The following ZCWPW2 variants were observed in gnomAD, a reference collection of about 807,000 sequenced individuals.
The protein encoded by ZCWPW2 is zinc finger CW-type and PWWP domain containing 2.
Under a neutral mutation model 46.6 loss-of-function variants are expected in ZCWPW2, and 45 were observed. That is an observed-to-expected ratio of 0.96 (90% confidence interval 0.76 to 1.24). The LOEUF (loss-of-function observed/expected upper bound fraction) is 1.24. Among genes scored for constraint, ZCWPW2 ranks in the 50% most tolerant of loss-of-function variants. ZCWPW2 has a pLI of 0.00. For missense variants in ZCWPW2, 429 were observed against 403.9 expected (o/e 1.06, Z -0.53); for synonymous variants, 152 against 137.1 (o/e 1.11, Z -0.76).
intron 1 of ZCWPW2, among the ~76,000 whole-genome samples, chr3:28,358,628 A>T (rs1251637832): frequency 6.6e-5 from 10 of 152,140 alleles, no homozygotes; most frequent in Non-Finnish European, 1.5e-4. Flanking sequence ...TTTATTTGGA[A>T]TATGTACCAA....
intron 6 of ZCWPW2, among the ~76,000 whole-genome samples, chr3:28,493,227 C>A (rs1699885814): frequency 7.2e-6 from 1 of 137,940 alleles, no homozygotes; most frequent in African/African-American, 2.7e-5. Flanking sequence ...TATACATGTG[C>A]CATGCTGGTG....
Position 28,477,781 on chromosome 3 carries a change from T to C in ZCWPW2, c.493-1033T>C, listed in dbSNP as rs983270602. 2.0e-5 allele frequency among the ~76,000 whole-genome samples: 3 copies of C among 152,246 alleles called. No homozygotes were observed. In the South Asian group the frequency reaches 6.2e-4, roughly 32 times the overall value. On this transcript the variant is annotated intron_variant, in intron 4 of 9. Coordinates refer to ENST00000383768, the MANE Select transcript of ZCWPW2 (RefSeq NM_001040432.4). ...AATCTTTATAGATAGGTGTTAATTA[T>C]AGGTTAATAAAATAAATAGCCATAT...
intron 1 of ZCWPW2, among the ~76,000 whole-genome samples, chr3:28,388,475 G>A (rs1296633590): frequency 2.0e-5 from 3 of 152,082 alleles, no homozygotes; most frequent in Non-Finnish European, 4.4e-5. Flanking sequence ...TCCAGAAGAG[G>A]TTGCAAAGTC....
chr3:28,413,038 CTCTT>C lies in ZCWPW2; in HGVS notation c.-13-13_-13-10del. The C allele has an allele frequency of 6.4e-7, 1 of 1,562,662 alleles. No individual in the cohort carries two copies. Among genetic ancestry groups the C allele is most frequent in the South Asian group, 1.2e-5 (1 of 83,968 alleles). ...CTTGAATCCTCATTCTGTTATTTTC[CTCTT>C]TCTTATTTTCCAGATTAAATGCCTT... On this transcript the variant is annotated splice_polypyrimidine_tract_variant and intron_variant, in intron 2 of 9. Transcript: ENST00000383768.
intron 6 of ZCWPW2, among the ~76,000 whole-genome samples, chr3:28,505,530 C>T (rs139977773): frequency 6.6e-6 from 1 of 152,062 alleles, no homozygotes; most frequent in East Asian, 1.9e-4. Context: ...TTGTCTAGGC[C>T]CAAAGACTTA....
intron 1 of ZCWPW2, among the ~76,000 whole-genome samples, chr3:28,375,736 TC>T (rs1705480087): frequency 8.9e-6 from 1 of 111,970 alleles, no homozygotes; most frequent in African/African-American, 3.5e-5. Context: ...ATTCATTCTT[TC>T]TATTTTTTTT....
intron 4 of ZCWPW2, among the ~76,000 whole-genome samples, chr3:28,439,862 T>G (rs1371807601): frequency 6.6e-6 from 1 of 152,220 alleles, no homozygotes; most frequent in Non-Finnish European, 1.5e-5. Context: ...CAAATACTCA[T>G]GACAATTACA....
rs747190873 is a variant in ZCWPW2, at chr3:28,521,046, C to T, written c.839C>T (p.Ala280Val). ...LKELEQMLQQ[A>V]LQPTATPDES... Reference sequence around the variant, plus strand: ...GAGCTGGAGCAAATGCTGCAGCAAGCACTGCAACCCACAGCCACACCTGAT... The same window carrying T: ...GAGCTGGAGCAAATGCTGCAGCAAGTACTGCAACCCACAGCCACACCTGAT... Residue 280 changes from alanine to valine, a missense_variant, in exon 9 of 10, where the codon GCA (alanine) becomes GTA (valine). Transcript: ENST00000383768. The T allele has an allele frequency of 3.1e-6, 5 of 1,612,480 alleles. No homozygotes were observed. The highest frequency in any genetic ancestry group is 4.2e-6 in the Non-Finnish European group (5 of 1,179,544).
intron 1 of ZCWPW2, among the ~76,000 whole-genome samples, chr3:28,351,855 T>C (rs1380425106): frequency 6.6e-6 from 1 of 152,152 alleles, no homozygotes; most frequent in East Asian, 1.9e-4. Context: ...TGTCTGTCTT[T>C]TCATGTTCAT....
chr3:28,433,214 G>A (rs774967544), intron 3 of ZCWPW2, among the ~76,000 whole-genome samples: 3 of 152,118 alleles, frequency 2.0e-5, no homozygotes, highest in Non-Finnish European at 4.4e-5. Context: ...TGTAATTTAT[G>A]AGGCTGAATA....
At chr3:28,504,464 T>C (rs922056388) in intron 6 of ZCWPW2, among the ~76,000 whole-genome samples, 1 of 152,192 alleles carries the variant, frequency 6.6e-6, no homozygotes, top group Non-Finnish European at 1.5e-5. Context: ...ATCAGGCTGG[T>C]TATCCTTACT....
rs1278401185 is a variant in ZCWPW2 at position 28,349,131 on chromosome 3, T to A, written c.-206T>A. On this transcript the variant is annotated 5_prime_UTR_variant, in exon 1 of 10. It removes an upstream start codon present in the reference 5' UTR. Transcript: ENST00000383768. ...CAGGAGTGGCGCGCGGCGTACTACA[T>A]GTCCCGTGAGCCTCCGCGGCGGGAC... 1 of 985,444 alleles carries A rather than the reference T, an allele frequency of 1.0e-6. No individual in the cohort carries two copies. The highest frequency in any genetic ancestry group is 1.7e-5 in the African/African-American group (1 of 57,192). 61.0% of individuals were successfully genotyped at this position (985,444 alleles called of 1,614,324 possible).
At chr3:28,394,978 G>A (rs981332305) in intron 2 of ZCWPW2, among the ~76,000 whole-genome samples, 9 of 152,106 alleles carry the variant, frequency 5.9e-5, no homozygotes, top group African/African-American at 2.2e-4. Context: ...AGCCTATGGA[G>A]TGGGAGAAAG....
intron 3 of ZCWPW2, among the ~76,000 whole-genome samples, chr3:28,432,612 TATA>T (rs1278095252): frequency 6.6e-6 from 1 of 152,186 alleles, no homozygotes; most frequent in African/African-American, 2.4e-5. Context: ...TTAGTTGATA[TATA>T]AGTGCAATTT....
At chr3:28,391,665 T>G (rs1267643277) in intron 2 of ZCWPW2, among the ~76,000 whole-genome samples, 1 of 152,128 alleles carries the variant, frequency 6.6e-6, no homozygotes. Flanking sequence ...CGGAATCCTC[T>G]TAGTGTTTGT....
intron 5 of ZCWPW2, among the ~76,000 whole-genome samples, chr3:28,485,162 G>A (rs1418976897): frequency 6.8e-6 from 1 of 147,984 alleles, no homozygotes; most frequent in African/African-American, 2.5e-5. Flanking sequence ...TTTGATCTAT[G>A]TGTTACTTAG....
intron 4 of ZCWPW2, among the ~76,000 whole-genome samples, chr3:28,444,167 T>G (rs1342565405): frequency 6.6e-6 from 1 of 152,228 alleles, no homozygotes; most frequent in Non-Finnish European, 1.5e-5. Flanking sequence ...TTCATTATTA[T>G]GCTTGTTCAC....
At chr3:28,432,729 T>G (rs1272784964) in intron 3 of ZCWPW2, among the ~76,000 whole-genome samples, 1 of 152,178 alleles carries the variant, frequency 6.6e-6, no homozygotes, top group African/African-American at 2.4e-5. Context: ...GTCAATTTTT[T>G]GATACATTAA....
chr3:28,403,619 G>A (rs1426029191), intron 2 of ZCWPW2, among the ~76,000 whole-genome samples: 1 of 152,068 alleles, frequency 6.6e-6, no homozygotes, highest in Non-Finnish European at 1.5e-5. Flanking sequence ...AAATCTGGAG[G>A]CATCACATTA....
Sources: gnomAD v4.1 joint callset for allele counts (sites outside exome capture counted in the v4.1 genomes callset) on GRCh38, gnomAD v4.1.1 for gene constraint, MANE v1.5 for transcripts, NCBI Gene and HGNC (gene_info 2026-07-23, HGNC 2026-07-21) for gene names.